MTUS1: variants seen among roughly 807,000 people sequenced by gnomAD.
MTUS1 encodes the protein microtubule associated scaffold protein 1.
MTUS1 carries 109 observed loss-of-function variants against 120.8 expected under a neutral mutation model. That is an observed-to-expected ratio of 0.90 (90% CI 0.77 to 1.06). The LOEUF (loss-of-function observed/expected upper bound fraction) is 1.06, where lower values mean the gene tolerates loss of function less well. MTUS1 is among the 50% of genes least tolerant of loss of function. The pLI, the probability that MTUS1 is intolerant of heterozygous loss-of-function variation, is 0.00. For synonymous variants in MTUS1, 737 were observed against 550.5 expected, an observed-to-expected ratio of 1.34 and a Z score of -4.74; for missense variants, 2,210 against 1,486.3, an observed-to-expected ratio of 1.49 and a Z score of -8.01.
At chr8:17,760,594 T>C (rs1304536990) in intron 1 of MTUS1, among the ~76,000 whole-genome samples, 1 of 152,162 alleles carries the variant, frequency 6.6e-6, no homozygotes, top group Non-Finnish European at 1.5e-5. Flanking sequence ...CTGCCTATTT[T>C]ATTTCTCCCC....
intron 1 of MTUS1, among the ~76,000 whole-genome samples, chr8:17,783,521 A>AT (rs370664216): frequency 0.027 from 4,031 of 150,900 alleles, 191 homozygotes; most frequent in African/African-American, 0.093. Context: ...AGATGATGTA[A>AT]TTTTTTTTTT....
intron 8 of MTUS1, among the ~76,000 whole-genome samples, chr8:17,657,058 C>CAAAAAAAAAA (rs1219286349): frequency 1.1e-4 from 6 of 56,692 alleles, no homozygotes; most frequent in South Asian, 8.6e-4. Context: ...GATTCTGTCT[C>CAAAAAAAAAA]AAAAAAAAAA....
intron 1 of MTUS1, among the ~76,000 whole-genome samples, chr8:17,794,133 G>A (rs2052024666): frequency 6.6e-6 from 1 of 152,036 alleles, no homozygotes; most frequent in Non-Finnish European, 1.5e-5. Flanking sequence ...TTCGAGACCA[G>A]CCTGATCAAC....
At chr8:17,667,505 T>C (rs897267114) in intron 8 of MTUS1, among the ~76,000 whole-genome samples, 1 of 152,218 alleles carries the variant, frequency 6.6e-6, no homozygotes, top group Admixed American at 6.5e-5. Flanking sequence ...TCATAGACAC[T>C]GGGTTAAGTG....
At chr8:17,795,366 A>G (rs146682672) in intron 1 of MTUS1, among the ~76,000 whole-genome samples, 254 of 152,338 alleles carry the variant, frequency 1.7e-3, no homozygotes, top group African/African-American at 5.8e-3. Context: ...ATTAGTCCTC[A>G]AATTTAAATA....
chr8:17,754,873 C>A lies in MTUS1; in HGVS notation c.935G>T (p.Cys312Phe), dbSNP rs1426337242. ...PNDSALQEFF[C>F]LSHDESNSEP... is the part of the protein sequence containing the mutation. ...GCTATTGGATTCATCATGGGATAAA[C>A]AAAAGAACTCTTGTAATGCAGAATC... Residue 312 changes from cysteine (C) to phenylalanine (F), a missense_variant, in exon 2 of 15, where the codon TGT (cysteine) becomes TTT (phenylalanine). Coordinates refer to ENST00000693296, the MANE Select transcript of MTUS1 (RefSeq NM_001363059.2). The A allele has an allele frequency of 4.3e-6, 7 of 1,614,110 alleles. No individual in the cohort carries two copies. Among genetic ancestry groups the A allele is most frequent in the Non-Finnish European group, 5.9e-6 (7 of 1,180,050 alleles).
At chr8:17,757,337 A>G (rs897572229) in intron 1 of MTUS1, among the ~76,000 whole-genome samples, 2 of 152,212 alleles carry the variant, frequency 1.3e-5, no homozygotes, top group African/African-American at 4.8e-5. Flanking sequence ...ATTTACATGA[A>G]ATGTCCAGAA....
intron 8 of MTUS1, chr8:17,674,744 C>T (rs1343662782): frequency 1.0e-6 from 1 of 995,472 alleles, no homozygotes; most frequent in Admixed American, 5.9e-5. Context: ...AAGTTGCCTT[C>T]ATGGACAGCA....
intron 8 of MTUS1, among the ~76,000 whole-genome samples, chr8:17,672,034 A>G (rs1269763491): frequency 6.6e-6 from 1 of 152,208 alleles, no homozygotes; most frequent in Non-Finnish European, 1.5e-5. Context: ...GAGTGGATGG[A>G]CAAAAACCTA....
At chr8:17,695,061 C>A (rs1485237150) in intron 6 of MTUS1, among the ~76,000 whole-genome samples, 1 of 152,134 alleles carries the variant, frequency 6.6e-6, no homozygotes, top group Non-Finnish European at 1.5e-5. Context: ...CTAAGGATAC[C>A]AACCCAAGTT....
intron 1 of MTUS1, among the ~76,000 whole-genome samples, chr8:17,770,199 TACATAAGGGGATACTC>T (rs1373268722): frequency 2.0e-5 from 3 of 152,146 alleles, no homozygotes; most frequent in African/African-American, 7.2e-5. Flanking sequence ...TTACAAAAAG[TACATAAGGGGATACTC>T]ACTTTTCTGC....
At chr8:17,657,499 C>T (rs1272970888) in intron 8 of MTUS1, among the ~76,000 whole-genome samples, 22 of 149,228 alleles carry the variant, frequency 1.5e-4, no homozygotes, top group Non-Finnish European at 1.3e-4. Flanking sequence ...ACCCGGGAGG[C>T]GGAGCTTGCA....
chr8:17,727,693 G>C (rs2046311810), intron 3 of MTUS1, among the ~76,000 whole-genome samples: 1 of 152,160 alleles, frequency 6.6e-6, no homozygotes, highest in Admixed American at 6.5e-5. Context: ...CATTTACCAG[G>C]TCATATCGTA....
intron 1 of MTUS1, among the ~76,000 whole-genome samples, chr8:17,781,735 C>A (rs1317810636): frequency 6.6e-6 from 1 of 152,200 alleles, no homozygotes; most frequent in Non-Finnish European, 1.5e-5. Flanking sequence ...TCGACGGCCT[C>A]CTGCCCCCAT....
In MTUS1 at chr8:17,701,529, A is replaced by G. The variant is rs142258571; in HGVS notation, c.2623+11685T>C. On this transcript the variant is annotated intron_variant, in intron 6 of 14. Coordinates refer to ENST00000693296, the MANE Select transcript of MTUS1 (RefSeq NM_001363059.2). The stretch of plus-strand genomic sequence containing the variant: ...CATGTACAATGTTTGTTTTTAAAAA[A>G]CAAAACCTCATATGTTCATCGTAGA... Among the ~76,000 whole-genome samples the G allele has an allele frequency of 3.3e-5, 5 of 152,274 alleles. No individual in the cohort carries two copies. The South Asian group carries it at 8.3e-4, about 25-fold the overall frequency.
chr8:17,769,878 G>T (rs2049884760), intron 1 of MTUS1, among the ~76,000 whole-genome samples: 1 of 73,686 alleles, frequency 1.4e-5, no homozygotes, highest in Non-Finnish European at 2.3e-5. Context: ...CACACTCTTT[G>T]CTTACACACA....
At chr8:17,715,297 T>G (rs1822106592) in intron 5 of MTUS1, among the ~76,000 whole-genome samples, 1 of 152,012 alleles carries the variant, frequency 6.6e-6, no homozygotes, top group African/African-American at 2.4e-5. Context: ...TTTGTAAACC[T>G]GAAAATTACT....
intron 4 of MTUS1, among the ~76,000 whole-genome samples, chr8:17,720,527 G>A (rs1404706296): frequency 1.3e-5 from 2 of 152,038 alleles, no homozygotes; most frequent in East Asian, 1.9e-4. Flanking sequence ...AATAGCTTTG[G>A]TCTGCACCTC....
intron 1 of MTUS1, among the ~76,000 whole-genome samples, chr8:17,784,733 C>A (rs1284319382): frequency 6.6e-6 from 1 of 152,086 alleles, no homozygotes; most frequent in Non-Finnish European, 1.5e-5. Flanking sequence ...TTTCTCACAC[C>A]ACTCTGTCAG....
Sources: allele counts gnomAD v4.1 joint callset (sites outside exome capture counted in the v4.1 genomes callset), GRCh38; gene constraint gnomAD v4.1.1; transcripts MANE v1.5; gene names NCBI Gene and HGNC (gene_info 2026-07-23, HGNC 2026-07-21).